Variants in AMMECR1 observed in about 807,000 individuals in gnomAD.
The protein encoded by AMMECR1 is AMMECR nuclear protein 1.
In AMMECR1, 3 loss-of-function variants were observed where a neutral mutation model predicts 22.5. That is an observed-to-expected ratio of 0.13 (90% confidence interval 0.06 to 0.35). AMMECR1 has a LOEUF of 0.35. Ranked by LOEUF, AMMECR1 falls within the 10% of genes least tolerant of loss-of-function variation. The pLI, the probability that AMMECR1 is intolerant of heterozygous loss-of-function variation, is 1.00. For synonymous variants in AMMECR1, 130 were observed against 116.7 expected, an observed-to-expected ratio of 1.11 and a Z score of -0.74; for missense variants, 235 against 278.7, an observed-to-expected ratio of 0.84 and a Z score of 1.12.
intron 2 of AMMECR1, among the ~76,000 whole-genome samples, chrX:110,341,440 G>A (rs896888831): frequency 1.7e-4 from 19 of 112,173 alleles, no homozygotes; most frequent in African/African-American, 5.8e-4. Flanking sequence ...ACAGCCAACT[G>A]TGGTCCAAAA....
intron 1 of AMMECR1, among the ~76,000 whole-genome samples, chrX:110,295,893 TCAA>T (rs1000542624): frequency 8.9e-6 from 1 of 111,967 alleles, no homozygotes; most frequent in African/African-American, 3.2e-5. Context: ...AATACGCCCA[TCAA>T]CAGTTTTATA....
At chrX:110,307,864 C>CTTTTTTTTTT (rs1162615101) in intron 1 of AMMECR1, among the ~76,000 whole-genome samples, 143 of 63,599 alleles carry the variant, frequency 2.2e-3, no homozygotes, top group Non-Finnish European at 2.6e-3. Flanking sequence ...TTTTTTTTTT[C>CTTTTTTTTTT]TTTTTTTTTT....
At chrX:110,209,140 C>T (rs961554914) in intron 3 of AMMECR1, among the ~76,000 whole-genome samples, 12 of 111,199 alleles carry the variant, frequency 1.1e-4, no homozygotes, top group African/African-American at 3.9e-4. Context: ...GCAAACATGC[C>T]TAATATGAAA....
At chrX:110,291,179 A>G (rs1420771349) in intron 1 of AMMECR1, among the ~76,000 whole-genome samples, 2 of 111,388 alleles carry the variant, frequency 1.8e-5, no homozygotes, top group Admixed American at 9.6e-5. Flanking sequence ...AAATATAAAG[A>G]AGAAGACAGA....
intron 2 of AMMECR1, among the ~76,000 whole-genome samples, chrX:110,365,297 G>A (rs1486693804): frequency 8.9e-6 from 1 of 111,911 alleles, no homozygotes; most frequent in Non-Finnish European, 1.9e-5. Flanking sequence ...GAATAATTCT[G>A]ATACATATTC....
intron 2 of AMMECR1, among the ~76,000 whole-genome samples, chrX:110,371,937 T>C: frequency 9.0e-6 from 1 of 111,601 alleles, no homozygotes; most frequent in East Asian, 2.8e-4. Flanking sequence ...CTCACTTCCC[T>C]GTTGAATATG....
At chrX:110,404,517 A>C (rs1433090549) in intron 2 of AMMECR1, among the ~76,000 whole-genome samples, 2 of 112,264 alleles carry the variant, frequency 1.8e-5, no homozygotes, top group African/African-American at 6.5e-5. Context: ...AGGAAGGGAA[A>C]ATAGCACTGT....
intron 2 of AMMECR1, among the ~76,000 whole-genome samples, chrX:110,416,081 C>T (rs766913726): frequency 5.4e-5 from 6 of 110,701 alleles, no homozygotes; most frequent in Admixed American, 9.6e-5. Flanking sequence ...CTCACTCTGC[C>T]GTGGCAAGGC....
chrX:110,252,178 C>T (rs890178816), intron 2 of AMMECR1, among the ~76,000 whole-genome samples: 1 of 111,394 alleles, frequency 9.0e-6, no homozygotes, highest in African/African-American at 3.3e-5. Flanking sequence ...CCTTGGGTCA[C>T]AAAGCTAAGA....
intron 2 of AMMECR1, among the ~76,000 whole-genome samples, chrX:110,400,658 T>C (rs1319156382): frequency 8.9e-6 from 1 of 111,841 alleles, no homozygotes; most frequent in Non-Finnish European, 1.9e-5. Flanking sequence ...AATTGCTGCT[T>C]GTCTCGCAAA....
chrX:110,293,119 A>T (rs958808400), intron 1 of AMMECR1, among the ~76,000 whole-genome samples: 2 of 112,606 alleles, frequency 1.8e-5, no homozygotes, highest in African/African-American at 6.4e-5. Flanking sequence ...ATGCATATGT[A>T]CATAAATTCT....
chrX:110,307,043 G>A (rs2067999426), intron 1 of AMMECR1: 1 of 110,288 alleles, frequency 9.1e-6, no homozygotes, highest in South Asian at 3.9e-4. Context: ...TTCAAGACCA[G>A]CCTGGCAAAC....
chrX:110,339,973 TACACACACA>T (rs2068157692), intron 2 of AMMECR1, among the ~76,000 whole-genome samples: 2 of 78,800 alleles, frequency 2.5e-5, no homozygotes, highest in South Asian at 1.3e-3. Context: ...AGGCAAAACA[TACACACACA>T]CACACACACA....
chrX:110,207,871 G>A (rs866048962), intron 3 of AMMECR1, among the ~76,000 whole-genome samples: 1 of 110,971 alleles, frequency 9.0e-6, no homozygotes, highest in East Asian at 2.8e-4. Context: ...AGAGTGGCTC[G>A]AGCCTGTTGT....
At chrX:110,375,462 T>C (rs1334063996) in intron 2 of AMMECR1, among the ~76,000 whole-genome samples, 2 of 111,809 alleles carry the variant, frequency 1.8e-5, no homozygotes, top group Non-Finnish European at 3.8e-5. Context: ...AGATCTGCCA[T>C]GTTCATCATT....
rs141546133 is a variant in AMMECR1, at chrX:110,259,440, A to G, written c.584+5049T>C. Among the ~76,000 whole-genome samples the G allele has an allele frequency of 3.9e-3, 430 of 111,533 alleles. 1 individual carries two copies. The highest frequency in any genetic ancestry group is 6.2e-3 in the Non-Finnish European group (328 of 53,093). ...GATAGTCTTTTAAGTGTGGTGACAG[A>G]CCACAATCCTGTTTTGCTGAATAAG... On this transcript the variant is annotated intron_variant, in intron 2 of 5. Coordinates refer to ENST00000262844, the MANE Select transcript of AMMECR1 (RefSeq NM_015365.3).
intron 2 of AMMECR1, among the ~76,000 whole-genome samples, chrX:110,351,737 TAAAC>T (rs1477014081): frequency 5.4e-5 from 6 of 111,879 alleles, no homozygotes; most frequent in Non-Finnish European, 1.1e-4. Context: ...AAAAAAATGA[TAAAC>T]TGACTAAATC....
chrX:110,272,697 T>C (rs2067805667), intron 1 of AMMECR1, among the ~76,000 whole-genome samples: 1 of 111,858 alleles, frequency 8.9e-6, no homozygotes, highest in Non-Finnish European at 1.9e-5. Context: ...CCAGTGTCTA[T>C]TATTCTTTCC....
intron 1 of AMMECR1, among the ~76,000 whole-genome samples, chrX:110,310,484 C>T (rs1326153685): frequency 9.0e-6 from 1 of 111,545 alleles, no homozygotes; most frequent in African/African-American, 3.3e-5. Flanking sequence ...TTCTATAAAC[C>T]GATGTGTCCT....
Sources: allele counts gnomAD v4.1 joint callset (sites outside exome capture counted in the v4.1 genomes callset), GRCh38; gene constraint gnomAD v4.1.1; transcripts MANE v1.5; gene names NCBI Gene and HGNC (gene_info 2026-07-23, HGNC 2026-07-21).